The following OR51B5 variants were observed in gnomAD, a reference collection of about 807,000 sequenced individuals.
OR51B5 encodes the protein olfactory receptor family 51 subfamily B member 5.
For missense variants in OR51B5, 456 were observed against 374.6 expected (o/e 1.22, Z -1.79); for synonymous variants, 186 against 144.8 (o/e 1.28, Z -2.04).
chr11:5,352,122 C>T (rs766271397), intron 1 of OR51B5: 1 of 1,614,148 alleles, frequency 6.2e-7, no homozygotes, highest in Non-Finnish European at 8.5e-7. Flanking sequence ...TTGCAATGGT[C>T]TTGTTGGACT....
At chr11:5,424,981 CAAA>C (rs373245242) in intron 1 of OR51B5, among the ~76,000 whole-genome samples, 3 of 84,470 alleles carry the variant, frequency 3.6e-5, no homozygotes, top group Non-Finnish European at 4.6e-5. Flanking sequence ...GACTCCGCCT[CAAA>C]AAAAAAAAAA....
intron 1 of OR51B5, among the ~76,000 whole-genome samples, chr11:5,456,717 T>C (rs768733843): frequency 1.1e-4 from 16 of 152,290 alleles, no homozygotes; most frequent in South Asian, 8.3e-4. Context: ...ACCCAGGTAG[T>C]GAGCATATGA....
intron 1 of OR51B5, among the ~76,000 whole-genome samples, chr11:5,475,933 C>T (rs1851299344): frequency 6.6e-6 from 1 of 152,184 alleles, no homozygotes; most frequent in African/African-American, 2.4e-5. Context: ...TCCATAGCAG[C>T]CTCACAGTAC....
At chr11:5,504,250 TA>T (rs1358958100) in intron 1 of OR51B5, among the ~76,000 whole-genome samples, 2 of 152,226 alleles carry the variant, frequency 1.3e-5, no homozygotes, top group Admixed American at 6.5e-5. Flanking sequence ...ATGGTTTGGA[TA>T]ACTTTCTCCT....
At chr11:5,412,361 G>T (rs1336276364) in intron 1 of OR51B5, among the ~76,000 whole-genome samples, 1 of 152,182 alleles carries the variant, frequency 6.6e-6, no homozygotes, top group Non-Finnish European at 1.5e-5. Context: ...CAGCGTGAGC[G>T]ATGCAGAAGA....
intron 1 of OR51B5, among the ~76,000 whole-genome samples, chr11:5,357,851 T>A (rs1849219093): frequency 6.6e-6 from 1 of 151,496 alleles, no homozygotes; most frequent in Non-Finnish European, 1.5e-5. Flanking sequence ...TCAAAACCGC[T>A]CAACTACATG....
intron 1 of OR51B5, among the ~76,000 whole-genome samples, chr11:5,460,271 A>T (rs1851028420): frequency 6.6e-6 from 1 of 152,206 alleles, no homozygotes; most frequent in African/African-American, 2.4e-5. Context: ...GAGAGGATCA[A>T]AAAGAATTAA....
At chr11:5,455,780 TA>T (rs1255044341) in intron 1 of OR51B5, 7 of 152,098 alleles carry the variant, frequency 4.6e-5, no homozygotes, top group Middle Eastern at 3.2e-3. Context: ...GGAGCTATTT[TA>T]AAAATGAGAT....
At position 5,352,180 on chromosome 11, in the gene OR51B5, G is replaced by A. The variant is rs1849104454; in HGVS notation, n.85-5270C>T. ...CATTTTGATTCTCAAGACTGTCATG[G>A]GCATTGGTTCTGGAGGAGAAAGGGC... On this transcript the variant is annotated intron_variant and non_coding_transcript_variant, in intron 1 of 4. Coordinates refer to the OR51B5 transcript ENST00000415970. The A allele has an allele frequency of 5.0e-6, 8 of 1,614,072 alleles. No homozygotes were observed. Among genetic ancestry groups the A allele is most frequent in the Non-Finnish European group, 5.9e-6 (7 of 1,180,008 alleles).
chr11:5,343,396 G>C, exon 1 of OR51B5: 1 of 1,614,004 alleles, frequency 6.2e-7, no homozygotes, highest in South Asian at 1.1e-5. Context: ...TGAGAAGAAG[G>C]AGGGTGCCAT....
intron 1 of OR51B5, chr11:5,355,690 A>G (rs1041683004): frequency 6.6e-6 from 1 of 152,180 alleles, no homozygotes; most frequent in African/African-American, 2.4e-5. Flanking sequence ...AATCATCTGT[A>G]AAAGTTATGT....
intron 1 of OR51B5, chr11:5,441,029 A>C: frequency 1.2e-6 from 2 of 1,613,914 alleles, no homozygotes; most frequent in African/African-American, 1.3e-5. Flanking sequence ...TCACCACAAA[A>C]GGGAAAGGGA....
At chr11:5,441,316 T>G in intron 1 of OR51B5, 1 of 1,613,640 alleles carries the variant, frequency 6.2e-7, no homozygotes, top group South Asian at 1.1e-5. Context: ...AGAGCGAGCA[T>G]AGAGAGGAAG....
rs776168838 is a variant in OR51B5, at chr11:5,454,269, G to A, written n.84+51300C>T. Reference sequence around the variant, plus strand: ...TGTGCCAATGATTGGGGTCTCCACAGTGCACCGCTTTGGGAAGCATGTCCC... The same window carrying A: ...TGTGCCAATGATTGGGGTCTCCACAATGCACCGCTTTGGGAAGCATGTCCC... On this transcript the variant is annotated intron_variant and non_coding_transcript_variant, in intron 1 of 4. Coordinates refer to the OR51B5 transcript ENST00000415970. 41 of 1,614,070 alleles carry A rather than the reference G, an allele frequency of 2.5e-5. No individual in the cohort carries two copies. The highest frequency in any genetic ancestry group is 4.2e-6 in the Non-Finnish European group (5 of 1,180,046).
intron 1 of OR51B5, among the ~76,000 whole-genome samples, chr11:5,460,506 G>C (rs1232362689): frequency 6.6e-6 from 1 of 152,008 alleles, no homozygotes; most frequent in Non-Finnish European, 1.5e-5. Flanking sequence ...TGCTTTCCTT[G>C]AACTGTGTTT....
intron 1 of OR51B5, chr11:5,351,501 G>T: frequency 6.2e-7 from 1 of 1,600,400 alleles, no homozygotes; most frequent in Non-Finnish European, 8.5e-7. Context: ...TCTTTGCAAA[G>T]CTGGCAATGG....
chr11:5,377,705 T>C (rs1397402492), intron 1 of OR51B5, among the ~76,000 whole-genome samples: 1 of 152,056 alleles, frequency 6.6e-6, no homozygotes, highest in African/African-American at 2.4e-5. Context: ...GGAACTCCCA[T>C]TCACAATTGC....
In OR51B5 at chr11:5,477,983, G is replaced by A. The variant is rs541450868; in HGVS notation, n.84+27586C>T. ...TTGCTTAGGTAAACAAAGCAGCCGGGAAGCTCCAACTGGGTGGAGCCCACC... is the reference window on the plus strand; with the variant it reads ...TTGCTTAGGTAAACAAAGCAGCCGGAAAGCTCCAACTGGGTGGAGCCCACC... On this transcript the variant is annotated intron_variant and non_coding_transcript_variant, in intron 1 of 4. Transcript: ENST00000415970. 7.9e-5 allele frequency among the ~76,000 whole-genome samples: 12 copies of A among 152,042 alleles called. No homozygotes were observed. The South Asian group carries it at 2.1e-3, about 26-fold the overall frequency.
intron 1 of OR51B5, chr11:5,403,413 C>G (rs752347049): frequency 4.2e-6 from 2 of 471,402 alleles, no homozygotes; most frequent in South Asian, 3.1e-5. Flanking sequence ...TGTGTCCCCT[C>G]TGCTGCAAGC....
Sources: gnomAD v4.1 joint callset for allele counts (sites outside exome capture counted in the v4.1 genomes callset) on GRCh38, gnomAD v4.1.1 for gene constraint, MANE v1.5 for transcripts, NCBI Gene and HGNC (gene_info 2026-07-23, HGNC 2026-07-21) for gene names.